Variants in PPP2R3A observed in about 807,000 individuals in gnomAD.
PPP2R3A encodes protein phosphatase 2 regulatory subunit B''alpha.
In PPP2R3A, 80 loss-of-function variants were observed where a neutral mutation model predicts 106.9. That is an observed-to-expected ratio of 0.75 (90% CI 0.62 to 0.90). PPP2R3A has a LOEUF of 0.90. PPP2R3A is among the 40% of genes least tolerant of loss of function. The probability of loss-of-function intolerance (pLI) is 0.00; values close to 1 mark genes in which losing one functional copy is unlikely to be tolerated. For synonymous variants in PPP2R3A, 483 were observed against 468.3 expected, an observed-to-expected ratio of 1.03 and a Z score of -0.41; for missense variants, 1,386 against 1,350.4, an observed-to-expected ratio of 1.03 and a Z score of -0.41.
At chr3:136,052,200 A>G (rs970497117) in intron 5 of PPP2R3A, among the ~76,000 whole-genome samples, 1 of 152,016 alleles carries the variant, frequency 6.6e-6, no homozygotes, top group Non-Finnish European at 1.5e-5. Context: ...CTCTCAATCC[A>G]TTCTTGGCCT....
intron 5 of PPP2R3A, among the ~76,000 whole-genome samples, chr3:136,053,964 T>TA (rs1219231180): frequency 6.6e-6 from 1 of 152,074 alleles, no homozygotes; most frequent in East Asian, 1.9e-4. Flanking sequence ...AAATAAAGGT[T>TA]AAAAAAACAC....
At chr3:135,970,779 T>G (rs1421259502) in intron 1 of PPP2R3A, among the ~76,000 whole-genome samples, 1 of 152,222 alleles carries the variant, frequency 6.6e-6, no homozygotes, top group East Asian at 1.9e-4. Flanking sequence ...ACTCAAACAT[T>G]TCTCCTAACT....
At chr3:135,990,261 C>T (rs17250445) in intron 1 of PPP2R3A, among the ~76,000 whole-genome samples, 38,625 of 151,892 alleles carry the variant, frequency 0.25, 5,404 homozygotes, top group Non-Finnish European at 0.32. Context: ...GGTTCTTGGC[C>T]GTCCTCTAGA....
intron 2 of PPP2R3A, among the ~76,000 whole-genome samples, chr3:136,010,395 C>T (rs555515066): frequency 3.1e-4 from 45 of 145,486 alleles, no homozygotes; most frequent in Non-Finnish European, 5.8e-4. Context: ...GGACTACAGG[C>T]GCATGCCATC....
chr3:136,010,968 T>A (rs1419121796), intron 2 of PPP2R3A, among the ~76,000 whole-genome samples: 1 of 152,178 alleles, frequency 6.6e-6, no homozygotes, highest in African/African-American at 2.4e-5. Context: ...TGTCTGCTCT[T>A]CTTCACTCCA....
chr3:135,975,052 G>C (rs1480346699), intron 1 of PPP2R3A, among the ~76,000 whole-genome samples: 1 of 152,136 alleles, frequency 6.6e-6, no homozygotes, highest in Non-Finnish European at 1.5e-5. Flanking sequence ...CAAGCACTGT[G>C]GCCCAGCTGT....
intron 1 of PPP2R3A, among the ~76,000 whole-genome samples, chr3:135,974,193 C>A (rs1171597485): frequency 6.6e-6 from 1 of 152,140 alleles, no homozygotes; most frequent in Middle Eastern, 3.2e-3. Flanking sequence ...CATGATCTTC[C>A]TGACGCCTAA....
At chr3:136,015,749 T>C (rs1269149360) in intron 2 of PPP2R3A, among the ~76,000 whole-genome samples, 1 of 152,120 alleles carries the variant, frequency 6.6e-6, no homozygotes, top group Non-Finnish European at 1.5e-5. Flanking sequence ...ATTTTGTTTA[T>C]ATTTTCAAAG....
intron 13 of PPP2R3A, among the ~76,000 whole-genome samples, chr3:136,114,795 G>A (rs992049419): frequency 8.5e-5 from 13 of 152,226 alleles, no homozygotes; most frequent in African/African-American, 2.7e-4. Context: ...GGGACTTAGA[G>A]ATGAAACTCC....
At chr3:136,119,917 C>T (rs907677390) in intron 13 of PPP2R3A, among the ~76,000 whole-genome samples, 3 of 152,100 alleles carry the variant, frequency 2.0e-5, no homozygotes, top group Admixed American at 6.5e-5. Context: ...ACGTTTATTG[C>T]GGCACTATTC....
At chr3:136,144,999 TTAATC>T (rs1939054570) in intron 13 of PPP2R3A, 39 bp from the exon 14 acceptor site, 1 of 1,588,486 alleles carries the variant, frequency 6.3e-7, no homozygotes, top group Non-Finnish European at 8.6e-7. Flanking sequence ...TACCCAAACT[TTAATC>T]AATCAATCAG....
At chr3:136,070,658 T>C (rs1353213878) in intron 6 of PPP2R3A, 106 bp downstream of exon 6, 3 of 798,648 alleles carry the variant, frequency 3.8e-6, no homozygotes, top group Non-Finnish European at 5.5e-6. Flanking sequence ...ACATGGGTTA[T>C]AATGATTATT....
intron 3 of PPP2R3A, among the ~76,000 whole-genome samples, chr3:136,039,255 G>A (rs1217531720): frequency 6.6e-6 from 1 of 152,012 alleles, no homozygotes; most frequent in Non-Finnish European, 1.5e-5. Flanking sequence ...ACAGATCCTG[G>A]GTCTAATGTG....
intron 3 of PPP2R3A, among the ~76,000 whole-genome samples, chr3:136,032,074 G>A (rs1333743564): frequency 6.6e-6 from 1 of 152,070 alleles, no homozygotes; most frequent in Non-Finnish European, 1.5e-5. Flanking sequence ...AATTGTGGTG[G>A]GAATTGCATT....
At chr3:136,000,310 T>C (rs1164270650) in intron 1 of PPP2R3A, among the ~76,000 whole-genome samples, 1 of 152,224 alleles carries the variant, frequency 6.6e-6, no homozygotes, top group African/African-American at 2.4e-5. Context: ...GTACACACAG[T>C]AGGTAGTCAG....
intron 2 of PPP2R3A, among the ~76,000 whole-genome samples, chr3:136,016,685 C>A (rs1934280337): frequency 6.6e-6 from 1 of 152,208 alleles, no homozygotes; most frequent in East Asian, 1.9e-4. Flanking sequence ...CACCCCTTTA[C>A]CTTAAGTCTC....
At chr3:136,133,139 A>G (rs1938487395) in intron 13 of PPP2R3A, among the ~76,000 whole-genome samples, 1 of 152,184 alleles carries the variant, frequency 6.6e-6, no homozygotes, top group Non-Finnish European at 1.5e-5. Flanking sequence ...GGGCAAGAGT[A>G]ATTTTTAAAA....
At chr3:136,082,928 A>G (rs1329860896) in intron 8 of PPP2R3A, among the ~76,000 whole-genome samples, 4 of 152,246 alleles carry the variant, frequency 2.6e-5, no homozygotes, top group Admixed American at 2.6e-4. Context: ...CTTTTGTCAG[A>G]AAACAAAAAA....
chr3:136,107,891 TAAG>T (rs1349268554), intron 13 of PPP2R3A, among the ~76,000 whole-genome samples: 1 of 152,122 alleles, frequency 6.6e-6, no homozygotes, highest in Non-Finnish European at 1.5e-5. Context: ...ATACCAATCT[TAAG>T]AAGCAACAAT....
Sources: allele counts gnomAD v4.1 joint callset (sites outside exome capture counted in the v4.1 genomes callset), GRCh38; gene constraint gnomAD v4.1.1; transcripts MANE v1.5; gene names NCBI Gene and HGNC (gene_info 2026-07-23, HGNC 2026-07-21).